Variants in TMTC1 observed in about 807,000 individuals in gnomAD.
TMTC1 encodes the protein protein O-mannosyl-transferase TMTC1.
In TMTC1, 73 loss-of-function variants were observed where a neutral mutation model predicts 104.8. The observed-to-expected ratio is 0.70, with a 90% CI of 0.58 to 0.85. The LOEUF is 0.85. Ranked by LOEUF, TMTC1 falls within the 40% of genes least tolerant of loss-of-function variation. The pLI, the probability that TMTC1 is intolerant of heterozygous loss-of-function variation, is 0.00. For missense variants in TMTC1, 1,035 were observed against 1,096.1 expected (o/e 0.94, Z 0.79); for synonymous variants, 434 against 428.7 (o/e 1.01, Z -0.15).
intron 6 of TMTC1, among the ~76,000 whole-genome samples, chr12:29,630,165 T>C (rs1470584549): frequency 6.6e-6 from 1 of 152,200 alleles, no homozygotes; most frequent in African/African-American, 2.4e-5. Context: ...TGGAATCATA[T>C]AGGGTATTTA....
intron 5 of TMTC1, among the ~76,000 whole-genome samples, chr12:29,673,588 A>G (rs192633864): frequency 3.9e-5 from 6 of 151,976 alleles, no homozygotes; most frequent in Non-Finnish European, 8.8e-5. Flanking sequence ...TCTCTGTCCA[A>G]TTATTCATAT....
intron 5 of TMTC1, among the ~76,000 whole-genome samples, chr12:29,727,669 C>CCTGG (rs1942433395): frequency 6.6e-6 from 1 of 152,190 alleles, no homozygotes; most frequent in African/African-American, 2.4e-5. Context: ...AGCCACCGTG[C>CCTGG]CTGGCCCTGA....
At chr12:29,619,177 T>TG (rs1485694072) in intron 6 of TMTC1, among the ~76,000 whole-genome samples, 1 of 152,106 alleles carries the variant, frequency 6.6e-6, no homozygotes, top group East Asian at 1.9e-4. Context: ...GTCTTCCAAC[T>TG]GGGGGGTAAA....
intron 1 of TMTC1, chr12:29,782,690 C>G (rs1171703574): frequency 1.3e-5 from 2 of 152,204 alleles, no homozygotes; most frequent in Non-Finnish European, 2.9e-5. Flanking sequence ...CTGGCATATT[C>G]TCGGTTCCCT....
chr12:29,738,468 T>A (rs937303442), intron 5 of TMTC1, among the ~76,000 whole-genome samples: 1 of 152,214 alleles, frequency 6.6e-6, no homozygotes, highest in Non-Finnish European at 1.5e-5. Flanking sequence ...AGTCTCACAT[T>A]GAGCTGCACT....
At chr12:29,687,107 G>A (rs1273703132) in intron 5 of TMTC1, among the ~76,000 whole-genome samples, 2 of 152,062 alleles carry the variant, frequency 1.3e-5, no homozygotes, top group Non-Finnish European at 2.9e-5. Context: ...AGAAAATAGT[G>A]GATTTTAAAA....
At chr12:29,636,748 G>A (rs1938570861) in intron 5 of TMTC1, among the ~76,000 whole-genome samples, 1 of 151,956 alleles carries the variant, frequency 6.6e-6, no homozygotes, top group South Asian at 2.1e-4. Context: ...AACCTGGGAG[G>A]TGGAGGTTGC....
chr12:29,673,744 C>CTTTTTTTTTTTTTTTTTTTTTT (rs146463669), intron 5 of TMTC1, among the ~76,000 whole-genome samples: 7 of 95,736 alleles, frequency 7.3e-5, no homozygotes, highest in Non-Finnish European at 9.5e-5. Context: ...AGAGGGACTT[C>CTTTTTTTTTTTTTTTTTTTTTT]TTTTTTTTTT....
chr12:29,562,247 T>G (rs990459153), intron 9 of TMTC1, among the ~76,000 whole-genome samples: 1 of 152,184 alleles, frequency 6.6e-6, no homozygotes, highest in Non-Finnish European at 1.5e-5. Flanking sequence ...ACAGATAGCC[T>G]CGGGAAAAAG....
chr12:29,676,795 C>T lies in TMTC1; in HGVS notation c.939-43459G>A, dbSNP rs188302116. Among the ~76,000 whole-genome samples, 310 of 152,260 alleles carry T rather than the reference C, an allele frequency of 2.0e-3. 4 individuals carry two copies. The highest frequency in any genetic ancestry group is 6.1e-3 in the African/African-American group (252 of 41,544). Reference sequence around the variant, plus strand: ...GATAGAAGATGATGCCCTCGTGCAGCCAAATGAAGCATTTTGTGGGCATGC... The same window carrying T: ...GATAGAAGATGATGCCCTCGTGCAGTCAAATGAAGCATTTTGTGGGCATGC... On this transcript the variant is annotated intron_variant, in intron 5 of 17. Coordinates refer to ENST00000539277, the MANE Select transcript of TMTC1 (RefSeq NM_001193451.2).
In TMTC1 at chr12:29,699,649, C is replaced by T. The variant is rs7977994; in HGVS notation, c.938+52017G>A. ...AATACATCCAGTTCTTCATCTGGTG[C>T]TTTTTTTTTTTTTTTTTTTTTTTTT... is the stretch of plus-strand genomic sequence containing the variant. On this transcript the variant is annotated intron_variant, in intron 5 of 17. Transcript: ENST00000539277. Among the ~76,000 whole-genome samples the T allele has an allele frequency of 1.4e-3, 119 of 86,854 alleles. 1 individual carries two copies. Among genetic ancestry groups the T allele is most frequent in the African/African-American group, 5.0e-3 (108 of 21,500 alleles). 57.0% of individuals were successfully genotyped at this position (86,854 alleles called of 152,430 possible). A position where few individuals can be genotyped will look rare whatever the true frequency, so the allele number is the denominator to read the frequency against.
chr12:29,584,316 C>A (rs1166950087), intron 7 of TMTC1, among the ~76,000 whole-genome samples: 1 of 152,176 alleles, frequency 6.6e-6, no homozygotes, highest in Non-Finnish European at 1.5e-5. Context: ...ATACTTTCTG[C>A]CTGCCACTTG....
At chr12:29,749,790 C>T (rs772715192) in intron 5 of TMTC1, among the ~76,000 whole-genome samples, 5 of 152,108 alleles carry the variant, frequency 3.3e-5, no homozygotes, top group African/African-American at 4.8e-5. Context: ...AAGCCAGAAA[C>T]TTGGAAATCC....
intron 11 of TMTC1, among the ~76,000 whole-genome samples, chr12:29,528,152 T>C (rs1253823316): frequency 6.6e-6 from 1 of 152,240 alleles, no homozygotes; most frequent in Non-Finnish European, 1.5e-5. Flanking sequence ...ATAACACTAT[T>C]ATTTAATCTC....
At chr12:29,564,925 G>A (rs1006204927) in intron 9 of TMTC1, among the ~76,000 whole-genome samples, 3 of 151,770 alleles carry the variant, frequency 2.0e-5, no homozygotes, top group African/African-American at 7.3e-5. Flanking sequence ...GGAAATTATG[G>A]AACCTTGAGC....
intron 5 of TMTC1, among the ~76,000 whole-genome samples, chr12:29,695,795 A>T (rs917735770): frequency 8.9e-5 from 4 of 44,984 alleles, no homozygotes; most frequent in Admixed American, 3.8e-4. Context: ...CTTCCTTTTT[A>T]TATATATATA....
At chr12:29,568,155 G>A (rs1329479105) in intron 9 of TMTC1, among the ~76,000 whole-genome samples, 2 of 152,118 alleles carry the variant, frequency 1.3e-5, no homozygotes, top group African/African-American at 4.8e-5. Context: ...AAAGATTTTA[G>A]TTCTACCCCT....
chr12:29,521,557 T>G (rs1944159870), intron 11 of TMTC1, among the ~76,000 whole-genome samples: 1 of 130,586 alleles, frequency 7.7e-6, no homozygotes, highest in East Asian at 2.3e-4. Flanking sequence ...TTTTTCTTTT[T>G]CTTTCTTTCT....
At chr12:29,695,637 T>A (rs1213628177) in intron 5 of TMTC1, among the ~76,000 whole-genome samples, 1 of 151,836 alleles carries the variant, frequency 6.6e-6, no homozygotes, top group Non-Finnish European at 1.5e-5. Context: ...TGGATATGGA[T>A]CTTTTGGGGA....
Sources: allele counts gnomAD v4.1 joint callset (sites outside exome capture counted in the v4.1 genomes callset), GRCh38; gene constraint gnomAD v4.1.1; transcripts MANE v1.5; gene names NCBI Gene and HGNC (gene_info 2026-07-23, HGNC 2026-07-21).